Variants in FXYD6 observed in about 807,000 individuals in gnomAD.
FXYD6 encodes FXYD domain-containing ion transport regulator 6.
FXYD6 carries 7 observed loss-of-function variants against 16.7 expected under a neutral mutation model. The ratio of observed to expected loss-of-function variants is 0.42; its 90% CI spans 0.24 to 0.79. The LOEUF is 0.79. Ranked by LOEUF, FXYD6 falls within the 30% of genes least tolerant of loss-of-function variation. The pLI is 0.28. For missense variants in FXYD6, 111 were observed against 116.2 expected, an observed-to-expected ratio of 0.95 and a Z score of 0.21; for synonymous variants, 49 against 43.0, an observed-to-expected ratio of 1.14 and a Z score of -0.54.
chr11:117,841,459 C>T (rs1565311866), intron 4 of FXYD6: 1 of 588,638 alleles, frequency 1.7e-6, no homozygotes, highest in African/African-American at 1.9e-5. Context: ...GAACAACAAA[C>T]TCGGAGGCAC....
At chr11:117,865,859 G>A (rs1013251223) in intron 1 of FXYD6, among the ~76,000 whole-genome samples, 1 of 152,058 alleles carries the variant, frequency 6.6e-6, no homozygotes, top group African/African-American at 2.4e-5. Flanking sequence ...CCCGGGTGGT[G>A]GAGGTTGCAG....
In FXYD6 at chr11:117,840,309, G is replaced by T. The variant is rs753233831; in HGVS notation, c.259+10C>A. The stretch of plus-strand genomic sequence containing the variant: ...CTTTTCCACCTGGGCAGGTGGTCAC[G>T]GACAGTTACCATTGGCGGTGATGAG... On this transcript the variant is annotated intron_variant, in intron 6 of 7. Transcript: ENST00000526014. 1.9e-6 allele frequency: 3 copies of T among 1,614,022 alleles called. No homozygotes were observed. The highest frequency in any genetic ancestry group is 2.7e-5 in the African/African-American group (2 of 74,928).
At chr11:117,848,293 G>A (rs575937227) in intron 1 of FXYD6, among the ~76,000 whole-genome samples, 1 of 152,206 alleles carries the variant, frequency 6.6e-6, no homozygotes, top group South Asian at 2.1e-4. Flanking sequence ...TTATGAACGA[G>A]TGTTCTATTT....
At chr11:117,867,298 C>T (rs1442699806) in intron 1 of FXYD6, among the ~76,000 whole-genome samples, 3 of 152,326 alleles carry the variant, frequency 2.0e-5, no homozygotes, top group East Asian at 1.9e-4. Flanking sequence ...CCCTGCCTGA[C>T]GGAGGTTACG....
At chr11:117,850,901 A>T (rs1328434580) in intron 1 of FXYD6, among the ~76,000 whole-genome samples, 3 of 152,064 alleles carry the variant, frequency 2.0e-5, no homozygotes, top group Non-Finnish European at 4.4e-5. Flanking sequence ...ATGTGTATTC[A>T]ATGTAAAAAA....
chr11:117,860,622 G>A (rs2056884582), intron 1 of FXYD6, among the ~76,000 whole-genome samples: 2 of 152,204 alleles, frequency 1.3e-5, no homozygotes, highest in African/African-American at 4.8e-5. Flanking sequence ...TAGGCCGAGG[G>A]TGAGAGCATG....
At chr11:117,851,341 G>A (rs2056607244) in intron 1 of FXYD6, among the ~76,000 whole-genome samples, 1 of 152,196 alleles carries the variant, frequency 6.6e-6, no homozygotes, top group Admixed American at 6.5e-5. Context: ...TAGCTGCCAT[G>A]TCTTAAGGAT....
At chr11:117,852,777 T>C (rs1157539936) in intron 1 of FXYD6, among the ~76,000 whole-genome samples, 1 of 152,252 alleles carries the variant, frequency 6.6e-6, no homozygotes, top group Non-Finnish European at 1.5e-5. Context: ...GACATCCTCA[T>C]TCTATTCTCC....
At chr11:117,860,674 G>A (rs1045296277) in intron 1 of FXYD6, among the ~76,000 whole-genome samples, 3 of 152,212 alleles carry the variant, frequency 2.0e-5, no homozygotes, top group Admixed American at 6.5e-5. Context: ...CTGCCAGTCC[G>A]TTCCCTTGTC....
chr11:117,850,453 T>C (rs1392773117), intron 1 of FXYD6, among the ~76,000 whole-genome samples: 1 of 152,232 alleles, frequency 6.6e-6, no homozygotes, highest in Non-Finnish European at 1.5e-5. Flanking sequence ...GTGTTGTGTG[T>C]GCATCTTATA....
At chr11:117,866,688 T>C (rs1312874750) in intron 1 of FXYD6, among the ~76,000 whole-genome samples, 1 of 152,200 alleles carries the variant, frequency 6.6e-6, no homozygotes, top group Admixed American at 6.5e-5. Flanking sequence ...TCTCAGCCTC[T>C]GTCCATCTCA....
rs909214534 is a variant in FXYD6 at position 117,870,241 on chromosome 11, C to G, written c.-6+6351G>C. ...TGCCAGCACAGGGGCTGAGGCCCCTCTGGTTCCCCAGGAGATCTCGGTCTG... is the reference window on the plus strand; with the variant it reads ...TGCCAGCACAGGGGCTGAGGCCCCTGTGGTTCCCCAGGAGATCTCGGTCTG... On this transcript the variant is annotated intron_variant, in intron 1 of 7. Transcript: ENST00000526014. The surrounding 1 kb of genome is among the most constrained non-coding windows in gnomAD (Gnocchi z 4.2). Among the ~76,000 whole-genome samples, 3 of 152,268 alleles carry G rather than the reference C, an allele frequency of 2.0e-5. No individual in the cohort carries two copies. Among genetic ancestry groups the G allele is most frequent in the Non-Finnish European group, 4.4e-5 (3 of 68,048 alleles).
At chr11:117,838,930 TTATATACCTTTC>T (rs1406347456) in intron 7 of FXYD6, 1 of 154,390 alleles carries the variant, frequency 6.5e-6, no homozygotes. Flanking sequence ...TGAGATAAAC[TTATATACCTTTC>T]TATAATGCCT....
intron 1 of FXYD6, among the ~76,000 whole-genome samples, chr11:117,848,328 C>T (rs1293703105): frequency 6.6e-6 from 1 of 151,758 alleles, no homozygotes; most frequent in Non-Finnish European, 1.5e-5. Flanking sequence ...CTTAAATCTA[C>T]CAATGAAGTA....
chr11:117,857,315 T>C (rs2056755215), intron 1 of FXYD6, among the ~76,000 whole-genome samples: 1 of 152,202 alleles, frequency 6.6e-6, no homozygotes, highest in Non-Finnish European at 1.5e-5. Context: ...AGGTGGCTAT[T>C]GCTGCAGCAT....
At chr11:117,858,340 G>A (rs1012401979) in intron 1 of FXYD6, 2 of 152,294 alleles carry the variant, frequency 1.3e-5, no homozygotes, top group Non-Finnish European at 2.9e-5. Flanking sequence ...CATCCACTTG[G>A]GGGACGTATG....
intron 1 of FXYD6, among the ~76,000 whole-genome samples, chr11:117,853,802 C>T (rs921048139): frequency 2.6e-5 from 4 of 152,078 alleles, no homozygotes; most frequent in Admixed American, 1.3e-4. Context: ...CCAGTTATCT[C>T]ATGGGGTTTT....
At chr11:117,858,655 CT>C (rs1379292133) in intron 1 of FXYD6, among the ~76,000 whole-genome samples, 1 of 75,698 alleles carries the variant, frequency 1.3e-5, no homozygotes, top group Non-Finnish European at 2.4e-5. Flanking sequence ...TTCTTTCTTT[CT>C]TTCTTTCTTT....
intron 1 of FXYD6, among the ~76,000 whole-genome samples, chr11:117,865,322 A>G (rs1418578598): frequency 6.6e-6 from 1 of 152,218 alleles, no homozygotes; most frequent in African/African-American, 2.4e-5. Context: ...TTAAAATATT[A>G]AAAATAGAAT....
Sources: gnomAD v4.1 joint callset for allele counts (sites outside exome capture counted in the v4.1 genomes callset) on GRCh38, gnomAD v4.1.1 for gene constraint, Gnocchi (gnomAD v3.1) non-coding constraint, MANE v1.5 for transcripts, NCBI Gene and HGNC (gene_info 2026-07-23, HGNC 2026-07-21) for gene names.